LRRTM4: variants seen among roughly 807,000 people sequenced by gnomAD.
The protein encoded by LRRTM4 is leucine-rich repeat transmembrane neuronal protein 4.
In LRRTM4, 25 loss-of-function variants were observed where a neutral mutation model predicts 47.6. The observed-to-expected ratio is 0.53, with a 90% CI of 0.38 to 0.73. The LOEUF (loss-of-function observed/expected upper bound fraction) is 0.73. Ranked by LOEUF, LRRTM4 falls within the 30% of genes least tolerant of loss-of-function variation. The pLI is 0.00. For synonymous variants in LRRTM4, 311 were observed against 269.5 expected, an observed-to-expected ratio of 1.15 and a Z score of -1.51; for missense variants, 638 against 713.4, an observed-to-expected ratio of 0.89 and a Z score of 1.20.
intron 3 of LRRTM4, among the ~76,000 whole-genome samples, chr2:76,775,401 T>C (rs58893859): frequency 1.0e-3 from 157 of 152,272 alleles, no homozygotes; most frequent in African/African-American, 3.6e-3. Flanking sequence ...AAGTAGACCA[T>C]GTAGATGCCT....
chr2:76,910,729 T>C (rs1313010053), intron 3 of LRRTM4, among the ~76,000 whole-genome samples: 2 of 152,180 alleles, frequency 1.3e-5, no homozygotes, highest in African/African-American at 2.4e-5. Context: ...TCAGAAACAC[T>C]CTGTTATGTA....
intron 3 of LRRTM4, among the ~76,000 whole-genome samples, chr2:77,010,496 T>C (rs1053786036): frequency 2.5e-5 from 3 of 122,098 alleles, no homozygotes; most frequent in Admixed American, 1.7e-4. Flanking sequence ...TAGAATTGTA[T>C]TGTTTACACA....
chr2:77,327,753 C>G (rs1008475257), intron 3 of LRRTM4, among the ~76,000 whole-genome samples: 1 of 151,972 alleles, frequency 6.6e-6, no homozygotes, highest in Admixed American at 6.6e-5. Context: ...GGGTTATCCC[C>G]CTTGAAACCA....
chr2:77,010,501 TACACACACAC>T (rs34456976), intron 3 of LRRTM4, among the ~76,000 whole-genome samples: 5,068 of 139,890 alleles, frequency 0.036, 161 homozygotes, highest in East Asian at 0.093. Context: ...TTGTATTGTT[TACACACACAC>T]ACACACACAC....
chr2:77,066,625 C>A (rs1255997786), intron 3 of LRRTM4, among the ~76,000 whole-genome samples: 3 of 152,004 alleles, frequency 2.0e-5, no homozygotes, highest in African/African-American at 2.4e-5. Flanking sequence ...GATCAAAGGC[C>A]CTTATTGTCA....
chr2:76,990,411 A>T (rs1445883376), intron 3 of LRRTM4, among the ~76,000 whole-genome samples: 1 of 151,804 alleles, frequency 6.6e-6, no homozygotes, highest in Non-Finnish European at 1.5e-5. Flanking sequence ...TAAAAGACTC[A>T]TCTCCTATGT....
chr2:77,321,388 A>C (rs1328028769), intron 3 of LRRTM4, among the ~76,000 whole-genome samples: 1 of 152,072 alleles, frequency 6.6e-6, no homozygotes, highest in South Asian at 2.1e-4. Flanking sequence ...TTTCTGATCT[A>C]AATCAGTTTT....
intron 3 of LRRTM4, among the ~76,000 whole-genome samples, chr2:77,253,468 A>G (rs183261271): frequency 1.3e-5 from 2 of 152,228 alleles, no homozygotes; most frequent in African/African-American, 4.8e-5. Flanking sequence ...CAGAGAGGCC[A>G]CCCTGAACTA....
intron 3 of LRRTM4, among the ~76,000 whole-genome samples, chr2:77,280,275 A>G (rs1676473998): frequency 6.6e-6 from 1 of 151,942 alleles, no homozygotes. Context: ...TGTCCCCTAG[A>G]GCCTCCCGAA....
chr2:76,866,610 C>T (rs530309807), intron 3 of LRRTM4, among the ~76,000 whole-genome samples: 1 of 151,986 alleles, frequency 6.6e-6, no homozygotes, highest in East Asian at 1.9e-4. Context: ...GATGTTGTGT[C>T]ACATCACTTT....
intron 3 of LRRTM4, among the ~76,000 whole-genome samples, chr2:77,318,377 A>G (rs1383933577): frequency 1.3e-5 from 2 of 152,176 alleles, no homozygotes; most frequent in African/African-American, 4.8e-5. Context: ...TATTTTTTAA[A>G]TTGTTAGATC....
At chr2:77,497,205 G>C (rs2104064742) in intron 3 of LRRTM4, among the ~76,000 whole-genome samples, 1 of 151,558 alleles carries the variant, frequency 6.6e-6, no homozygotes, top group South Asian at 2.1e-4. Context: ...CAATCAATCT[G>C]ACTGGAATTT....
chr2:76,958,399 G>A (rs769883499), intron 3 of LRRTM4, among the ~76,000 whole-genome samples: 22 of 151,778 alleles, frequency 1.4e-4, no homozygotes, highest in Non-Finnish European at 2.4e-4. Context: ...TCACCTGAAA[G>A]AGCTGCGCTT....
At chr2:76,960,666 T>C (rs76426211) in intron 3 of LRRTM4, among the ~76,000 whole-genome samples, 7,974 of 151,542 alleles carry the variant, frequency 0.053, 474 homozygotes, top group East Asian at 0.14. Context: ...TAAGATGGTA[T>C]AAAAATTAAA....
intron 3 of LRRTM4, among the ~76,000 whole-genome samples, chr2:76,904,449 T>A (rs1673751943): frequency 6.6e-6 from 1 of 152,206 alleles, no homozygotes; most frequent in East Asian, 1.9e-4. Flanking sequence ...GCTTTACAAT[T>A]CCATATATTA....
At chr2:77,217,008 G>A (rs1471221853) in intron 3 of LRRTM4, among the ~76,000 whole-genome samples, 1 of 151,436 alleles carries the variant, frequency 6.6e-6, no homozygotes, top group Non-Finnish European at 1.5e-5. Flanking sequence ...GGGAGGCAGA[G>A]GTTGCGGTGA....
At chr2:77,434,918 T>C (rs1675531026) in intron 3 of LRRTM4, among the ~76,000 whole-genome samples, 1 of 152,094 alleles carries the variant, frequency 6.6e-6, no homozygotes, top group African/African-American at 2.4e-5. Context: ...GTAGCTATAT[T>C]GAAGGTTGTG....
At chr2:76,876,537 T>G (rs1672783910) in intron 3 of LRRTM4, among the ~76,000 whole-genome samples, 1 of 152,120 alleles carries the variant, frequency 6.6e-6, no homozygotes, top group Non-Finnish European at 1.5e-5. Flanking sequence ...TTGTATTTGA[T>G]ACACAAAATT....
At chr2:77,308,263 T>C (rs189048200) in intron 3 of LRRTM4, among the ~76,000 whole-genome samples, 27 of 150,600 alleles carry the variant, frequency 1.8e-4, no homozygotes, top group African/African-American at 6.4e-4. Flanking sequence ...AAATTCATGT[T>C]AAAATACCCA....
Sources: gnomAD v4.1 joint callset for allele counts (sites outside exome capture counted in the v4.1 genomes callset) on GRCh38, gnomAD v4.1.1 for gene constraint, MANE v1.5 for transcripts, NCBI Gene and HGNC (gene_info 2026-07-23, HGNC 2026-07-21) for gene names.